The following ALOXE3 variants were observed in gnomAD, a reference collection of about 807,000 sequenced individuals.
The protein encoded by ALOXE3 is arachidonate epidermal lipoxygenase 3.
Under a neutral mutation model 87.5 loss-of-function variants are expected in ALOXE3, and 78 were observed. That is an observed-to-expected ratio of 0.89 (90% CI 0.74 to 1.08). The LOEUF is 1.08. Ranked by LOEUF, ALOXE3 falls within the 50% of genes least tolerant of loss-of-function variation. The pLI is 0.00. For missense variants in ALOXE3, 946 were observed against 912.4 expected, an observed-to-expected ratio of 1.04 and a Z score of -0.47; for synonymous variants, 363 against 370.8, an observed-to-expected ratio of 0.98 and a Z score of 0.24.
At chr17:8,100,733 T>C (rs1019025889) in intron 15 of ALOXE3, among the ~76,000 whole-genome samples, 3 of 152,164 alleles carry the variant, frequency 2.0e-5, no homozygotes, top group African/African-American at 7.2e-5. Context: ...ATCCTCTCTC[T>C]GCGGCCTCCT....
chr17:8,117,730 G>A, intron 2 of ALOXE3, 114 bp downstream of exon 2: 3 of 1,533,640 alleles, frequency 2.0e-6, no homozygotes, highest in Non-Finnish European at 2.6e-6. Context: ...AGGTGAGGAG[G>A]TCAGGGCCGG....
At position 8,118,150 on chromosome 17, in the gene ALOXE3, T is replaced by A; in HGVS notation, c.-160A>T. 2 of 1,551,478 alleles carry A rather than the reference T, an allele frequency of 1.3e-6. No individual in the cohort carries two copies. Among genetic ancestry groups the A allele is most frequent in the Non-Finnish European group, 8.7e-7 (1 of 1,146,976 alleles). ...GATGGGCCCAGCTCTCTCTGGGATG[T>A]TCCTGGGCTTTCTCTCTCCGAAGCT... On this transcript the variant is annotated 5_prime_UTR_variant, in exon 2 of 16. Coordinates refer to ENST00000448843, the MANE Select transcript of ALOXE3 (RefSeq NM_021628.3).
Position 8,116,893 on chromosome 17 carries a change from T to A in ALOXE3, c.235A>T (p.Lys79Ter), listed in dbSNP as rs772502605. The A allele has an allele frequency of 3.1e-6, 5 of 1,614,096 alleles. No homozygotes were observed. In the Admixed American group the frequency reaches 6.7e-5, roughly 22 times the overall value. The change falls in exon 3 of 16, where the codon AAG becomes TAG. Residue 79 changes from lysine to a stop codon, truncating the protein, a stop_gained. Transcript: ENST00000448843. LOFTEE classifies it high-confidence loss of function. ...ATGCGGCTACAGTACCAAGAGTCCT[T>A]GCGGAAGAAAGCGTAGCGCTCCTTG... ...VHKERYAFFR[K>*]DSWYCSRICV...
chr17:8,105,933 A>T (rs74568093), intron 13 of ALOXE3, among the ~76,000 whole-genome samples: 1 of 151,254 alleles, frequency 6.6e-6, no homozygotes, highest in Non-Finnish European at 1.5e-5. Flanking sequence ...AAAAAAAAAA[A>T]AAAAGCCAGA....
At chr17:8,098,969 G>A (rs1222190200) in intron 15 of ALOXE3, among the ~76,000 whole-genome samples, 1 of 150,956 alleles carries the variant, frequency 6.6e-6, no homozygotes, top group Non-Finnish European at 1.5e-5. Flanking sequence ...TCCCACCTCA[G>A]CCACCCGAGT....
chr17:8,097,715 A>C (rs1406447071), intron 15 of ALOXE3, among the ~76,000 whole-genome samples: 2 of 149,588 alleles, frequency 1.3e-5, no homozygotes, highest in African/African-American at 4.9e-5. Flanking sequence ...ATTTACTAGA[A>C]CCTTCATATA....
chr17:8,105,024 TA>T (rs1979189683), intron 13 of ALOXE3, among the ~76,000 whole-genome samples: 1 of 152,074 alleles, frequency 6.6e-6, no homozygotes, highest in Non-Finnish European at 1.5e-5. Context: ...GGAGGCAGCT[TA>T]CCTGACGTCC....
In ALOXE3 at chr17:8,118,497, C is replaced by A; in HGVS notation, c.-325G>T. ...TGAGCACAGGGCACCTGCATTCCTACGTGTGAATCATCCGTGTGAATCACT... is the reference window on the plus strand; with the variant it reads ...TGAGCACAGGGCACCTGCATTCCTAAGTGTGAATCATCCGTGTGAATCACT... On this transcript the variant is annotated 5_prime_UTR_variant, in exon 1 of 16. Coordinates refer to ENST00000448843, the MANE Select transcript of ALOXE3 (RefSeq NM_021628.3). 4 of 1,542,544 alleles carry A rather than the reference C, an allele frequency of 2.6e-6. No individual in the cohort carries two copies. The highest frequency in any genetic ancestry group is 1.2e-5 in the South Asian group (1 of 83,952).
At chr17:8,113,524 A>G (rs541866825) in intron 6 of ALOXE3, among the ~76,000 whole-genome samples, 39 of 151,958 alleles carry the variant, frequency 2.6e-4, no homozygotes, top group Non-Finnish European at 5.1e-4. Flanking sequence ...GTGGTGGTGC[A>G]TCTCTGTAAT....
chr17:8,114,855 C>T (rs1413087932), intron 5 of ALOXE3, 83 bp downstream of exon 5: 1 of 1,591,988 alleles, frequency 6.3e-7, no homozygotes, highest in Non-Finnish European at 8.6e-7. Flanking sequence ...CCTACCCCTC[C>T]TTCCTGGCTA....
At position 8,108,010 on chromosome 17, in the gene ALOXE3, A is replaced by G. The variant is rs548180480; in HGVS notation, c.1684+458T>C. Among the ~76,000 whole-genome samples the G allele has an allele frequency of 9.1e-5, 6 of 65,574 alleles. 1 individual carries two copies. The highest frequency in any genetic ancestry group is 1.4e-4 in the Non-Finnish European group (4 of 28,110). 43.0% of individuals were successfully genotyped at this position (65,574 alleles called of 152,430 possible). A position where few individuals can be genotyped will look rare whatever the true frequency, so the allele number is the denominator to read the frequency against. On this transcript the variant is annotated intron_variant, in intron 13 of 15. Transcript: ENST00000448843. ...AGAAAGAAAGGAAGGAAAGAAAGAA[A>G]GAAAGAAAGAAAGAAAGAAAGAAAG...
In ALOXE3 at chr17:8,117,060, A is replaced by G. The variant is rs968368316; in HGVS notation, c.148-80T>C. The G allele has an allele frequency of 1.5e-5, 19 of 1,288,464 alleles. No individual in the cohort carries two copies. In the African/African-American group the frequency reaches 2.4e-4, roughly 16 times the overall value. The allele number at this position is 1,288,464 out of a possible 1,614,324, so 79.8% of individuals were successfully genotyped here. A position where few individuals can be genotyped will look rare whatever the true frequency, so the allele number is the denominator to read the frequency against. ...CTTGCGCCTTGCAAGATGCATCTAC[A>G]CCTAAGCCTATTCGGGCATACAAAC... On this transcript the variant is annotated intron_variant, in intron 2 of 15. Transcript: ENST00000448843.
chr17:8,109,114 C>T (rs536043671), intron 12 of ALOXE3, 60 bp downstream of exon 12: 29 of 1,602,798 alleles, frequency 1.8e-5, no homozygotes, highest in Non-Finnish European at 2.4e-5. Context: ...GCGCAGGGAC[C>T]ACAATGTCCC....
At chr17:8,109,479 CG>C in intron 11 of ALOXE3, 136 bp from the exon 12 acceptor site, 1 of 1,199,654 alleles carries the variant, frequency 8.3e-7, no homozygotes, top group Non-Finnish European at 1.2e-6. Flanking sequence ...CAAATACCCA[CG>C]AGGGCCTGCC....
At chr17:8,112,071 T>A in intron 7 of ALOXE3, 22 bp downstream of exon 7, 1 of 1,602,562 alleles carries the variant, frequency 6.2e-7, no homozygotes, top group Middle Eastern at 1.7e-4. Context: ...GGGGTAGACA[T>A]CTCCTGCCTG....
chr17:8,107,682 C>G (rs1163133308), intron 13 of ALOXE3, among the ~76,000 whole-genome samples: 1 of 151,078 alleles, frequency 6.6e-6, no homozygotes, highest in East Asian at 1.9e-4. Flanking sequence ...GCCTGTAGTC[C>G]CAGCTACTCC....
intron 3 of ALOXE3, among the ~76,000 whole-genome samples, chr17:8,116,561 T>C (rs1478257114): frequency 1.3e-5 from 2 of 152,164 alleles, no homozygotes; most frequent in African/African-American, 2.4e-5. Context: ...TATGAGTGTA[T>C]GTGTCTATGT....
chr17:8,104,090 C>G, intron 14 of ALOXE3, 25 bp downstream of exon 14: 1 of 1,604,352 alleles, frequency 6.2e-7, no homozygotes, highest in East Asian at 2.2e-5. Flanking sequence ...CCTGATGTCC[C>G]CAGGCCTGCC....
At chr17:8,100,142 G>A (rs139497034) in intron 15 of ALOXE3, among the ~76,000 whole-genome samples, 390 of 151,850 alleles carry the variant, frequency 2.6e-3, no homozygotes, top group African/African-American at 9.1e-3. Context: ...AGGGAGAGGG[G>A]GGAGGGAGGG....
Sources: gnomAD v4.1 joint callset for allele counts (sites outside exome capture counted in the v4.1 genomes callset) on GRCh38, gnomAD v4.1.1 for gene constraint, MANE v1.5 for transcripts, NCBI Gene and HGNC (gene_info 2026-07-23, HGNC 2026-07-21) for gene names.